GDPD5: variants seen among roughly 807,000 people sequenced by gnomAD.
GDPD5 encodes the protein glycerophosphodiester phosphodiesterase 2.
In GDPD5, 48 loss-of-function variants were observed where a neutral mutation model predicts 75.1. The observed-to-expected ratio is 0.64, with a 90% CI of 0.51 to 0.81. The LOEUF is 0.81. Ranked by LOEUF, GDPD5 falls within the 40% of genes least tolerant of loss-of-function variation. The pLI, the probability that GDPD5 is intolerant of heterozygous loss-of-function variation, is 0.00. For missense variants in GDPD5, 706 were observed against 822.6 expected (o/e 0.86, Z 1.73); for synonymous variants, 336 against 339.0 (o/e 0.99, Z 0.10).
chr11:75,440,195 G>A (rs1477726953), intron 14 of GDPD5, among the ~76,000 whole-genome samples: 5 of 152,188 alleles, frequency 3.3e-5, no homozygotes, highest in Non-Finnish European at 7.4e-5. Context: ...GGTAGGAGGG[G>A]ACTGTATGGT....
At position 75,477,683 on chromosome 11, in the gene GDPD5, C is replaced by A; in HGVS notation, c.53G>T (p.Cys18Phe). The part of the protein sequence containing the change: ...QYYEPQLCLS[C>F]LTGIYGCRWK... ...ACGGCAGCCGTAGATGCCCGTGAGG[C>A]AGGAGAGGCACAGCTGTGGCTCGTA... The change falls in exon 3 of 17, where the codon TGC becomes TTC. Residue 18 changes from cysteine to phenylalanine, a missense_variant. By Grantham distance (205) the Cys-to-Phe change is radical. Coordinates refer to ENST00000336898, the MANE Select transcript of GDPD5 (RefSeq NM_030792.8). 6.3e-7 allele frequency: 1 copy of A among 1,599,374 alleles called. No homozygotes were observed. The highest frequency in any genetic ancestry group is 8.6e-7 in the Non-Finnish European group (1 of 1,169,050).
At chr11:75,473,110 C>A (rs771320257) in intron 3 of GDPD5, among the ~76,000 whole-genome samples, 11 of 151,382 alleles carry the variant, frequency 7.3e-5, no homozygotes, top group Non-Finnish European at 1.3e-4. Flanking sequence ...CTGGCGTGGA[C>A]GAGCATGGAG....
intron 6 of GDPD5, chr11:75,456,497 C>T: frequency 1.8e-6 from 1 of 542,000 alleles, no homozygotes; most frequent in Non-Finnish European, 3.3e-6. Flanking sequence ...ATCACTTAAC[C>T]TCTTTGTACT....
intron 1 of GDPD5, among the ~76,000 whole-genome samples, chr11:75,509,738 G>A (rs1565220557): frequency 6.6e-6 from 1 of 152,132 alleles, no homozygotes; most frequent in Non-Finnish European, 1.5e-5. Context: ...GGAGTGCAGT[G>A]GCACGATCTC....
chr11:75,519,804 T>C (rs1950718151), intron 1 of GDPD5, among the ~76,000 whole-genome samples: 1 of 152,222 alleles, frequency 6.6e-6, no homozygotes. Flanking sequence ...GTGTGTTTCC[T>C]TGTCTAATGC....
At chr11:75,457,114 T>G (rs1240486993) in intron 5 of GDPD5, among the ~76,000 whole-genome samples, 1 of 152,162 alleles carries the variant, frequency 6.6e-6, no homozygotes, top group African/African-American at 2.4e-5. Context: ...CATCAAACAT[T>G]TTGGGAGTTC....
chr11:75,470,701 GA>G (rs903320376), intron 3 of GDPD5, among the ~76,000 whole-genome samples: 43 of 152,178 alleles, frequency 2.8e-4, no homozygotes, highest in African/African-American at 1.0e-3. Flanking sequence ...TTTAAAAATA[GA>G]AAAAAATACA....
intron 1 of GDPD5, among the ~76,000 whole-genome samples, chr11:75,505,248 G>A (rs536483338): frequency 2.0e-5 from 3 of 152,280 alleles, no homozygotes; most frequent in African/African-American, 7.2e-5. Flanking sequence ...GACAGGATTT[G>A]GGCAAGCACA....
chr11:75,454,396 A>G (rs569327660), intron 6 of GDPD5, among the ~76,000 whole-genome samples: 7 of 152,376 alleles, frequency 4.6e-5, no homozygotes, highest in Non-Finnish European at 7.3e-5. Context: ...ACAACTATCC[A>G]TTGCTAAGAG....
chr11:75,446,200 CCCT>C (rs1295091284), intron 9 of GDPD5, among the ~76,000 whole-genome samples: 1 of 152,230 alleles, frequency 6.6e-6, no homozygotes, highest in Non-Finnish European at 1.5e-5. Context: ...GTTGCGAAGA[CCCT>C]CAGGGCAGAG....
chr11:75,449,247 G>T, intron 8 of GDPD5, 125 bp from the exon 9 acceptor site: 1 of 1,192,958 alleles, frequency 8.4e-7, no homozygotes, highest in Non-Finnish European at 1.2e-6. Context: ...TATTCTTGCT[G>T]GGAAGATGAA....
intron 1 of GDPD5, among the ~76,000 whole-genome samples, chr11:75,491,443 C>G (rs1251337993): frequency 6.6e-6 from 1 of 152,164 alleles, no homozygotes; most frequent in Non-Finnish European, 1.5e-5. Context: ...TTTCCTGGGG[C>G]CTTGGACCTT....
chr11:75,483,370 G>A (rs749530558), intron 2 of GDPD5, among the ~76,000 whole-genome samples: 2 of 152,196 alleles, frequency 1.3e-5, no homozygotes, highest in African/African-American at 2.4e-5. Flanking sequence ...GCACTATGGA[G>A]CAGAGGCAGG....
chr11:75,507,627 C>A (rs561876173), intron 1 of GDPD5, among the ~76,000 whole-genome samples: 8 of 152,182 alleles, frequency 5.3e-5, no homozygotes, highest in Non-Finnish European at 1.0e-4. Context: ...GGTTGCCCCA[C>A]GAGGCCATCT....
At chr11:75,500,238 G>A (rs1950282724) in intron 1 of GDPD5, among the ~76,000 whole-genome samples, 1 of 152,060 alleles carries the variant, frequency 6.6e-6, no homozygotes, top group Non-Finnish European at 1.5e-5. Flanking sequence ...GCAGGCCTGG[G>A]GCTCATGCAG....
At position 75,510,370 on chromosome 11, in the gene GDPD5, A is replaced by T. The variant is rs77558535; in HGVS notation, c.-145+14840T>A. 8.6e-3 allele frequency among the ~76,000 whole-genome samples: 1,309 copies of T among 152,302 alleles called. 25 individuals are homozygous for T. Among genetic ancestry groups the T allele is most frequent in the African/African-American group, 0.03 (1,227 of 41,564 alleles). ...AGAGGAAGAGTCCAGCCAGTCCACA[A>T]ACACCCACTGGGCACCAGCCAGGTG... On this transcript the variant is annotated intron_variant, in intron 1 of 16. Transcript: ENST00000336898.
chr11:75,465,998 G>A (rs1592098173), intron 3 of GDPD5, among the ~76,000 whole-genome samples: 2 of 152,246 alleles, frequency 1.3e-5, no homozygotes. Flanking sequence ...ATGCCCTAAA[G>A]GCCATTGTCC....
intron 3 of GDPD5, among the ~76,000 whole-genome samples, chr11:75,467,899 T>C (rs942748955): frequency 2.0e-5 from 3 of 152,148 alleles, no homozygotes; most frequent in Non-Finnish European, 4.4e-5. Context: ...CTGAGGATGG[T>C]CATGTCTTCT....
intron 4 of GDPD5, among the ~76,000 whole-genome samples, chr11:75,460,797 G>A (rs185272424): frequency 1.3e-5 from 2 of 152,066 alleles, no homozygotes; most frequent in Admixed American, 1.3e-4. Context: ...CTGAACCCCA[G>A]CACTGACTCC....
Sources: gnomAD v4.1 joint callset for allele counts (sites outside exome capture counted in the v4.1 genomes callset) on GRCh38, gnomAD v4.1.1 for gene constraint, MANE v1.5 for transcripts, NCBI Gene and HGNC (gene_info 2026-07-23, HGNC 2026-07-21) for gene names.